The following NDRG4 variants were observed in gnomAD, a reference collection of about 807,000 sequenced individuals.
The protein encoded by NDRG4 is NDRG family member 4, also known as protein NDRG4.
NDRG4 carries 38 observed loss-of-function variants against 55.8 expected under a neutral mutation model. That is an observed-to-expected ratio of 0.68 (90% CI 0.53 to 0.89). NDRG4 has a LOEUF of 0.89. Ranked by LOEUF, NDRG4 falls within the 40% of genes least tolerant of loss-of-function variation. NDRG4 has a pLI of 0.00. For synonymous variants in NDRG4, 190 were observed against 182.7 expected, an observed-to-expected ratio of 1.04 and a Z score of -0.32; for missense variants, 455 against 468.6, an observed-to-expected ratio of 0.97 and a Z score of 0.27.
chr16:58,509,714 C>CT (rs1454827773), intron 13 of NDRG4, among the ~76,000 whole-genome samples: 1 of 152,168 alleles, frequency 6.6e-6, no homozygotes, highest in Admixed American at 6.5e-5. Flanking sequence ...GCACACTCCC[C>CT]TCACCCGCCC....
chr16:58,481,077 G>A (rs57271894), intron 1 of NDRG4, among the ~76,000 whole-genome samples: 9,038 of 151,796 alleles, frequency 0.06, 551 homozygotes, highest in African/African-American at 0.15. Context: ...GACATCATGG[G>A]TTCAAATCCA....
intron 1 of NDRG4, among the ~76,000 whole-genome samples, chr16:58,486,865 C>T (rs1307324035): frequency 2.0e-5 from 3 of 152,164 alleles, no homozygotes; most frequent in Non-Finnish European, 2.9e-5. Flanking sequence ...ATCACCCCTC[C>T]CTGTTGGTGG....
At chr16:58,479,145 C>T (rs939106257) in intron 1 of NDRG4, among the ~76,000 whole-genome samples, 1 of 152,174 alleles carries the variant, frequency 6.6e-6, no homozygotes, top group African/African-American at 2.4e-5. Context: ...TCTCCTGCCT[C>T]GGCCTCCCAA....
chr16:58,506,146 GTGTGTGTGTGTC>G (rs775863344), intron 5 of NDRG4: 41 of 635,884 alleles, frequency 6.4e-5, no homozygotes, highest in Middle Eastern at 5.4e-4. Context: ...GTGTGTGTGT[GTGTGTGTGTGTC>G]TGTGTGTGTG....
Position 58,507,027 on chromosome 16 carries a change from A to T in NDRG4, c.620+12A>T. 6.2e-7 allele frequency: 1 copy of T among 1,608,084 alleles called. No individual in the cohort carries two copies. The highest frequency in any genetic ancestry group is 8.5e-7 in the Non-Finnish European group (1 of 1,176,400). On this transcript the variant is annotated intron_variant, in intron 8 of 14. Coordinates refer to ENST00000570248, the MANE Select transcript of NDRG4 (RefSeq NM_001242835.2). Reference sequence around the variant, plus strand: ...AACATGTACAACAGGTGCGGGTGGGATCAGCAGCCCTGGGACCCAGCACAC... The same window carrying T: ...AACATGTACAACAGGTGCGGGTGGGTTCAGCAGCCCTGGGACCCAGCACAC...
Position 58,511,867 on chromosome 16 carries a change from G to A in NDRG4, c.*291G>A, listed in dbSNP as rs937422572. The A allele has an allele frequency of 1.9e-5, 9 of 477,744 alleles. No individual in the cohort carries two copies. Among genetic ancestry groups the A allele is most frequent in the Non-Finnish European group, 2.4e-5 (6 of 252,280 alleles). 29.6% of individuals were successfully genotyped at this position (477,744 alleles called of 1,614,324 possible). A position where few individuals can be genotyped will look rare whatever the true frequency, so the allele number is the denominator to read the frequency against. Reference sequence around the variant, plus strand: ...GGCAGGGCCATAGGGAGGGAGATTCGCTACGGATCCAGGCCATTCCTGGGT... The same window carrying A: ...GGCAGGGCCATAGGGAGGGAGATTCACTACGGATCCAGGCCATTCCTGGGT... On this transcript the variant is annotated 3_prime_UTR_variant, in exon 15 of 15. Transcript: ENST00000570248.
chr16:58,513,941 G>A (rs545079523), downstream of NDRG4, among the ~76,000 whole-genome samples: 184 of 152,200 alleles, frequency 1.2e-3, no homozygotes, highest in Non-Finnish European at 2.1e-3. Context: ...CTGGATGACA[G>A]AGCAAGACTC....
rs769819439 is a variant in NDRG4 at position 58,509,199 on chromosome 16, T to G, written c.813+10T>G. The G allele has an allele frequency of 5.0e-6, 8 of 1,613,874 alleles. No homozygotes were observed. The highest frequency in any genetic ancestry group is 6.8e-6 in the Non-Finnish European group (8 of 1,180,010). ...GCCCCAGGTCACACAGGTGAGACTTTTGGCCCTCCTGCCCTTACATCTATG... is the reference window on the plus strand; with the variant it reads ...GCCCCAGGTCACACAGGTGAGACTTGTGGCCCTCCTGCCCTTACATCTATG... On this transcript the variant is annotated intron_variant, in intron 12 of 14. Transcript: ENST00000570248.
intron 1 of NDRG4, chr16:58,503,597 G>A (rs1312973355): frequency 9.9e-7 from 1 of 1,006,656 alleles, no homozygotes; most frequent in African/African-American, 1.6e-5. Context: ...AGTTCACATT[G>A]TCTCTGTACT....
In NDRG4 at chr16:58,513,171, T is replaced by TGTG. The variant is rs1203411226; in HGVS notation, c.*1596_*1598dup. 1 of 70,056 alleles carries TGTG rather than the reference T, an allele frequency of 1.4e-5. No homozygotes were observed. Among genetic ancestry groups the TGTG allele is most frequent in the Non-Finnish European group, 3.7e-5 (1 of 27,372 alleles). The allele number at this position is 70,056 out of a possible 1,614,324, so 4.3% of individuals were successfully genotyped here. Reference sequence around the variant, plus strand: ...TCTATAAATATCTATACATTATATGTGTGTGTGTGTGTGTGTGTGTGTGTG... The same window carrying TGTG: ...TCTATAAATATCTATACATTATATGTGTGGTGTGTGTGTGTGTGTGTGTGTGTG... On this transcript the variant is annotated 3_prime_UTR_variant, in exon 15 of 15. Coordinates refer to ENST00000570248, the MANE Select transcript of NDRG4 (RefSeq NM_001242835.2).
At chr16:58,483,484 A>T (rs1294404942) in intron 1 of NDRG4, among the ~76,000 whole-genome samples, 2 of 152,166 alleles carry the variant, frequency 1.3e-5, no homozygotes, top group African/African-American at 4.8e-5. Flanking sequence ...GCAGGAGCCC[A>T]TTTCCACACT....
chr16:58,509,265 G>A (rs2038463851), intron 12 of NDRG4, 36 bp from the exon 13 acceptor site: 1 of 1,613,878 alleles, frequency 6.2e-7, no homozygotes, highest in African/African-American at 1.3e-5. Context: ...ATCCTAGGCA[G>A]CCAATGAAAG....
chr16:58,486,344 G>C (rs2035072421), intron 1 of NDRG4, among the ~76,000 whole-genome samples: 1 of 151,584 alleles, frequency 6.6e-6, no homozygotes. Context: ...TTTTTTCGTA[G>C]AGATGGGGCC....
intron 14 of NDRG4, 44 bp downstream of exon 14, chr16:58,510,727 C>T: frequency 2.6e-6 from 4 of 1,518,376 alleles, no homozygotes; most frequent in Non-Finnish European, 3.5e-6. Context: ...GCCCAGCCTC[C>T]TCCTCCCCCG....
chr16:58,500,391 C>A lies in NDRG4; in HGVS notation c.21+122C>A, dbSNP rs947517231. ...GGTGGCAGCCCGGCCTTCAAATAGC[C>A]TCACCCTGGGGTCACTGAGACACGG... On this transcript the variant is annotated intron_variant, in intron 1 of 14. Transcript: ENST00000570248. 6 of 1,346,468 alleles carry A rather than the reference C, an allele frequency of 4.5e-6. No individual in the cohort carries two copies. The East Asian group carries it at 1.3e-4, about 28-fold the overall frequency. The allele number at this position is 1,346,468 out of a possible 1,614,324, so 83.4% of individuals were successfully genotyped here. A position where few individuals can be genotyped will look rare whatever the true frequency, so the allele number is the denominator to read the frequency against.
rs1178873640 is a variant in NDRG4 at position 58,513,088 on chromosome 16, C to G, written c.*1512C>G. Reference sequence around the variant, plus strand: ...TTGAAAGCTGGTAGAATTCATCCCTCTTACTGTAGATAACACTGCAAATCT... The same window carrying G: ...TTGAAAGCTGGTAGAATTCATCCCTGTTACTGTAGATAACACTGCAAATCT... On this transcript the variant is annotated 3_prime_UTR_variant, in exon 15 of 15. Transcript: ENST00000570248. The G allele has an allele frequency of 1.3e-5, 2 of 152,650 alleles. No homozygotes were observed. The highest frequency in any genetic ancestry group is 6.5e-5 in the Admixed American group (1 of 15,276). 9.5% of individuals were successfully genotyped at this position (152,650 alleles called of 1,614,324 possible).
chr16:58,497,623 G>A (rs984963891), upstream of NDRG4, among the ~76,000 whole-genome samples: 11 of 152,152 alleles, frequency 7.2e-5, no homozygotes, highest in South Asian at 2.1e-4. Flanking sequence ...ATTTACATAC[G>A]GAGGCTCAGA....
At chr16:58,486,276 C>G (rs2151669606) in intron 1 of NDRG4, among the ~76,000 whole-genome samples, 1 of 152,268 alleles carries the variant, frequency 6.6e-6, no homozygotes, top group East Asian at 1.9e-4. Flanking sequence ...ATCCTCCCAC[C>G]TCAGCCTCCT....
rs369099635 is a variant in NDRG4 at position 58,508,033 on chromosome 16, G to A, written c.729+34G>A. The A allele has an allele frequency of 4.7e-6, 7 of 1,474,598 alleles. No individual in the cohort carries two copies. The Admixed American group carries it at 8.0e-5, about 17-fold the overall frequency. The allele number at this position is 1,474,598 out of a possible 1,614,324, so 91.3% of individuals were successfully genotyped here. ...GGGGCTGTGGGCTCACTGGGGGTGG[G>A]AGGTAGGGGTGAGGGGCTCACTGGC... On this transcript the variant is annotated intron_variant, in intron 10 of 14. Coordinates refer to ENST00000570248, the MANE Select transcript of NDRG4 (RefSeq NM_001242835.2).
Sources: gnomAD v4.1 joint callset for allele counts (sites outside exome capture counted in the v4.1 genomes callset) on GRCh38, gnomAD v4.1.1 for gene constraint, MANE v1.5 for transcripts, NCBI Gene and HGNC (gene_info 2026-07-23, HGNC 2026-07-21) for gene names.